The following UBE2E2 variants were observed in gnomAD, a reference collection of about 807,000 sequenced individuals.
UBE2E2 encodes the protein ubiquitin conjugating enzyme E2 E2.
UBE2E2 carries 6 observed loss-of-function variants against 24.7 expected under a neutral mutation model. The ratio of observed to expected loss-of-function variants is 0.24; its 90% confidence interval spans 0.13 to 0.48. UBE2E2 has a LOEUF of 0.48. Ranked by LOEUF, UBE2E2 falls within the 20% of genes least tolerant of loss-of-function variation. The probability of loss-of-function intolerance (pLI) is 0.99; values close to 1 mark genes in which losing one functional copy is unlikely to be tolerated. For synonymous variants in UBE2E2, 104 were observed against 83.6 expected (o/e 1.24, Z -1.33); for missense variants, 169 against 245.0 (o/e 0.69, Z 2.07).
chr3:23,441,355 T>G (rs1698298665), intron 3 of UBE2E2, among the ~76,000 whole-genome samples: 1 of 133,728 alleles, frequency 7.5e-6, no homozygotes, highest in African/African-American at 2.9e-5. Flanking sequence ...AAACCACGTC[T>G]CTACTAAAAA....
rs553490976 is a variant in UBE2E2, at chr3:23,563,073, G to T, written c.509-26661G>T. ...GTTTTTTGTGTCTCTATCTCCTTCA[G>T]TTCTTCTCTGATCTTAGTTATTTCT... is the stretch of plus-strand genomic sequence containing the variant. On this transcript the variant is annotated intron_variant, in intron 5 of 5. Coordinates refer to ENST00000396703, the MANE Select transcript of UBE2E2 (RefSeq NM_152653.4). Among the ~76,000 whole-genome samples, 3 of 152,128 alleles carry T rather than the reference G, an allele frequency of 2.0e-5. No homozygotes were observed. The South Asian group carries it at 6.2e-4, about 32-fold the overall frequency.
chr3:23,548,637 C>A (rs1490693599), intron 5 of UBE2E2, among the ~76,000 whole-genome samples: 1 of 152,180 alleles, frequency 6.6e-6, no homozygotes, highest in Non-Finnish European at 1.5e-5. Context: ...TTTCCAGCCT[C>A]CTGATTTTTC....
At chr3:23,438,740 A>C (rs1298056565) in intron 3 of UBE2E2, among the ~76,000 whole-genome samples, 1 of 152,242 alleles carries the variant, frequency 6.6e-6, no homozygotes, top group East Asian at 1.9e-4. Context: ...CATGTGGTCC[A>C]TCCCACATAT....
chr3:23,430,662 G>C (rs1439764216), intron 3 of UBE2E2, among the ~76,000 whole-genome samples: 1 of 152,022 alleles, frequency 6.6e-6, no homozygotes, highest in Non-Finnish European at 1.5e-5. Flanking sequence ...AGGACTACAG[G>C]CATGTGCCAC....
intron 3 of UBE2E2, among the ~76,000 whole-genome samples, chr3:23,258,387 A>G (rs975195551): frequency 1.3e-5 from 2 of 152,198 alleles, no homozygotes; most frequent in Non-Finnish European, 2.9e-5. Flanking sequence ...AAGAGAAGAA[A>G]AACAATTTAA....
In UBE2E2 at chr3:23,482,103, A is replaced by G. The variant is rs988392741; in HGVS notation, c.228-17505A>G. ...TAGACCATCCTTAGACAACTAAGCA[A>G]TTGAGTAGTGAACTGTGACATAATG... On this transcript the variant is annotated intron_variant, in intron 3 of 5. Transcript: ENST00000396703. Among the ~76,000 whole-genome samples, 15 of 152,342 alleles carry G rather than the reference A, an allele frequency of 9.8e-5. No individual in the cohort carries two copies. In the East Asian group the frequency reaches 1.9e-3, roughly 20 times the overall value.
chr3:23,419,702 T>G (rs1221049364), intron 3 of UBE2E2, among the ~76,000 whole-genome samples: 1 of 152,202 alleles, frequency 6.6e-6, no homozygotes, highest in African/African-American at 2.4e-5. Context: ...TCCCTCAAAA[T>G]TATGGCCTTT....
intron 3 of UBE2E2, among the ~76,000 whole-genome samples, chr3:23,281,443 C>A (rs1698488608): frequency 6.6e-6 from 1 of 152,134 alleles, no homozygotes; most frequent in Non-Finnish European, 1.5e-5. Context: ...CCAGCCTGGG[C>A]AGCAAAGCAA....
rs374758988 is a variant in UBE2E2, at chr3:23,280,045, A to G, written c.227+62733A>G. Among the ~76,000 whole-genome samples, 2 of 152,214 alleles carry G rather than the reference A, an allele frequency of 1.3e-5. No homozygotes were observed. The highest frequency in any genetic ancestry group is 1.9e-4 in the East Asian group (1 of 5,198). ...CTCTCATTCACCTATTAGGCCATAC[A>G]TTCAAATAAGCATGGGAGAGAAAAC... On this transcript the variant is annotated intron_variant, in intron 3 of 5. Coordinates refer to ENST00000396703, the MANE Select transcript of UBE2E2 (RefSeq NM_152653.4). The surrounding 1 kb of genome is among the most constrained non-coding windows in gnomAD (Gnocchi z 4.3).
chr3:23,512,288 G>T (rs1694616434), intron 4 of UBE2E2, among the ~76,000 whole-genome samples: 1 of 151,118 alleles, frequency 6.6e-6, no homozygotes, highest in South Asian at 2.1e-4. Context: ...CACGATCTCA[G>T]CTCACTGCAG....
At chr3:23,237,835 T>G (rs1372966478) in intron 3 of UBE2E2, among the ~76,000 whole-genome samples, 1 of 152,158 alleles carries the variant, frequency 6.6e-6, no homozygotes, top group African/African-American at 2.4e-5. Flanking sequence ...AAAATATGCT[T>G]TACAATGCAA....
intron 3 of UBE2E2, among the ~76,000 whole-genome samples, chr3:23,225,283 T>C (rs765541502): frequency 6.6e-6 from 1 of 151,910 alleles, no homozygotes; most frequent in African/African-American, 2.4e-5. Context: ...CTTTGAAACA[T>C]AGAAGTTTTT....
chr3:23,566,240 A>G lies in UBE2E2; in HGVS notation c.509-23494A>G, dbSNP rs140882785. ...TAGTATGATAAGAACATTGAAAAATACAATTTAATAGGCTAAAATGCATTT... is the reference window on the plus strand; with the variant it reads ...TAGTATGATAAGAACATTGAAAAATGCAATTTAATAGGCTAAAATGCATTT... On this transcript the variant is annotated intron_variant, in intron 5 of 5. Transcript: ENST00000396703. 2.3e-3 allele frequency among the ~76,000 whole-genome samples: 346 copies of G among 152,358 alleles called. 3 individuals are homozygous for G. Among genetic ancestry groups the G allele is most frequent in the African/African-American group, 7.9e-3 (330 of 41,586 alleles).
Position 23,589,977 on chromosome 3 carries a change from T to G in UBE2E2, c.*146T>G, listed in dbSNP as rs1351536536. 4.6e-6 allele frequency: 3 copies of G among 654,760 alleles called. No individual in the cohort carries two copies. The highest frequency in any genetic ancestry group is 7.7e-6 in the Non-Finnish European group (3 of 389,680). 40.6% of individuals were successfully genotyped at this position (654,760 alleles called of 1,614,324 possible). ...ATTTTGTGATGGTATGTTGTCCATC[T>G]TCCCATCCCAGTTCTTCCTGCCCCC... On this transcript the variant is annotated 3_prime_UTR_variant, in exon 6 of 6. Coordinates refer to ENST00000396703, the MANE Select transcript of UBE2E2 (RefSeq NM_152653.4). This position sits in a 1 kb window ranked among gnomAD's most constrained non-coding sequence, Gnocchi z 4.1.
chr3:23,346,252 G>A (rs1695552376), intron 3 of UBE2E2, among the ~76,000 whole-genome samples: 2 of 152,104 alleles, frequency 1.3e-5, no homozygotes, highest in Non-Finnish European at 2.9e-5. Context: ...AAAATACTGA[G>A]CCATATGAAA....
At chr3:23,527,221 A>C (rs1282912776) in intron 4 of UBE2E2, among the ~76,000 whole-genome samples, 2 of 152,214 alleles carry the variant, frequency 1.3e-5, no homozygotes, top group Non-Finnish European at 2.9e-5. Context: ...AGAATATAAA[A>C]TGGTACAACC....
intron 3 of UBE2E2, among the ~76,000 whole-genome samples, chr3:23,327,554 C>T (rs760824862): frequency 6.6e-6 from 1 of 152,194 alleles, no homozygotes. Flanking sequence ...CTTGTATCAA[C>T]CAATACAGAA....
chr3:23,268,789 C>G (rs974772324), intron 3 of UBE2E2, among the ~76,000 whole-genome samples: 6 of 150,406 alleles, frequency 4.0e-5, no homozygotes, highest in African/African-American at 1.5e-4. Context: ...ATCACGCTAC[C>G]TGACTTCAAA....
chr3:23,278,897 GACTT>G (rs1698426648), intron 3 of UBE2E2, among the ~76,000 whole-genome samples: 1 of 152,016 alleles, frequency 6.6e-6, no homozygotes, highest in Admixed American at 6.6e-5. Flanking sequence ...TGTGATTTAT[GACTT>G]ATTGATAGCA....
Sources: gnomAD v4.1 joint callset for allele counts (sites outside exome capture counted in the v4.1 genomes callset) on GRCh38, gnomAD v4.1.1 for gene constraint, Gnocchi (gnomAD v3.1) non-coding constraint, MANE v1.5 for transcripts, NCBI Gene and HGNC (gene_info 2026-07-23, HGNC 2026-07-21) for gene names.